Variants in MOXD1 observed in about 807,000 individuals in gnomAD.
MOXD1 encodes DBH-like monooxygenase protein 1.
Under a neutral mutation model 66.6 loss-of-function variants are expected in MOXD1, and 62 were observed. The ratio of observed to expected loss-of-function variants is 0.93; its 90% CI spans 0.76 to 1.15. The LOEUF (loss-of-function observed/expected upper bound fraction) is 1.15, where lower values mean the gene tolerates loss of function less well. MOXD1 is among the 50% of genes most tolerant of loss of function. The pLI, the probability that MOXD1 is intolerant of heterozygous loss-of-function variation, is 0.00. For synonymous variants in MOXD1, 303 were observed against 281.9 expected (o/e 1.07, Z -0.75); for missense variants, 847 against 754.6 (o/e 1.12, Z -1.44).
intron 4 of MOXD1, among the ~76,000 whole-genome samples, chr6:132,364,443 G>A (rs1457989665): frequency 6.6e-6 from 1 of 152,112 alleles, no homozygotes; most frequent in African/African-American, 2.4e-5. Context: ...GTTTTCACTT[G>A]TTTTCATTTC....
At chr6:132,383,280 T>C (rs953097844) in intron 1 of MOXD1, among the ~76,000 whole-genome samples, 1 of 152,192 alleles carries the variant, frequency 6.6e-6, no homozygotes, top group African/African-American at 2.4e-5. Context: ...ACAAACAAAT[T>C]ATATAAACAC....
chr6:132,384,256 T>C (rs931588861), intron 1 of MOXD1, among the ~76,000 whole-genome samples: 1 of 85,224 alleles, frequency 1.2e-5, no homozygotes, highest in East Asian at 7.7e-4. Flanking sequence ...CTTCCTTCCT[T>C]CCTTCCTTCC....
intron 7 of MOXD1, 131 bp downstream of exon 7, chr6:132,323,800 T>C: frequency 1.0e-6 from 1 of 979,398 alleles, no homozygotes; most frequent in Non-Finnish European, 1.4e-6. Flanking sequence ...CTACTAAAAT[T>C]GCGATAAGGG....
At chr6:132,372,124 A>G (rs972624127) in intron 4 of MOXD1, among the ~76,000 whole-genome samples, 1 of 152,150 alleles carries the variant, frequency 6.6e-6, no homozygotes, top group East Asian at 1.9e-4. Flanking sequence ...CCAATTCTGT[A>G]TTTCTTTATT....
chr6:132,386,460 G>A (rs202085815), intron 1 of MOXD1, among the ~76,000 whole-genome samples: 4 of 147,276 alleles, frequency 2.7e-5, no homozygotes, highest in African/African-American at 7.5e-5. Context: ...AAAAAAACGG[G>A]AAAAGAGATG....
At chr6:132,320,016 T>C (rs551317133) in intron 9 of MOXD1, among the ~76,000 whole-genome samples, 24 of 152,320 alleles carry the variant, frequency 1.6e-4, no homozygotes, top group African/African-American at 5.8e-4. Context: ...ATTTGGTTTG[T>C]CAAACTCTTG....
intron 4 of MOXD1, among the ~76,000 whole-genome samples, chr6:132,350,174 G>C (rs1775775612): frequency 6.6e-6 from 1 of 152,082 alleles, no homozygotes; most frequent in South Asian, 2.1e-4. Context: ...TTTGCTTTTG[G>C]GTTCTTGGTC....
chr6:132,387,752 A>G lies in MOXD1; in HGVS notation c.265-12975T>C, dbSNP rs9375883. On this transcript the variant is annotated intron_variant, in intron 1 of 11. Coordinates refer to ENST00000367963, the MANE Select transcript of MOXD1 (RefSeq NM_015529.4). Reference sequence around the variant, plus strand: ...CTGGCAAAAAAGTGAAACTCCATCTAAAAAAAAAAAAAAAAAAAAAAAAGA... The same window carrying G: ...CTGGCAAAAAAGTGAAACTCCATCTGAAAAAAAAAAAAAAAAAAAAAAAGA... Among the ~76,000 whole-genome samples the G allele has an allele frequency of 1.1e-3, 92 of 84,476 alleles. No individual in the cohort carries two copies. In the East Asian group the frequency reaches 0.019, roughly 17 times the overall value. 55.4% of individuals were successfully genotyped at this position (84,476 alleles called of 152,430 possible). A position where few individuals can be genotyped will look rare whatever the true frequency, so the allele number is the denominator to read the frequency against.
At chr6:132,320,548 G>A (rs1775056064) in intron 9 of MOXD1, 81 bp downstream of exon 9, 2 of 1,217,064 alleles carry the variant, frequency 1.6e-6, no homozygotes, top group South Asian at 1.5e-5. Context: ...AATGGAAATG[G>A]TTTTTACCTT....
intron 6 of MOXD1, among the ~76,000 whole-genome samples, chr6:132,327,166 C>T (rs1775208420): frequency 6.6e-6 from 1 of 152,180 alleles, no homozygotes; most frequent in Non-Finnish European, 1.5e-5. Context: ...CCCATCCCCA[C>T]CAATACACAC....
rs537192406 is a variant in MOXD1, at chr6:132,350,752, A to G, written c.663+21856T>C. On this transcript the variant is annotated intron_variant, in intron 4 of 11. Coordinates refer to ENST00000367963, the MANE Select transcript of MOXD1 (RefSeq NM_015529.4). ...TTCACAATATTGATTCTACCCATCC[A>G]TAAGCATGGGATGTGTTTCCATTTG... Among the ~76,000 whole-genome samples, 14 of 152,362 alleles carry G rather than the reference A, an allele frequency of 9.2e-5. No individual in the cohort carries two copies. The South Asian group carries it at 2.7e-3, about 29-fold the overall frequency.
intron 10 of MOXD1, among the ~76,000 whole-genome samples, chr6:132,298,771 A>G (rs1774465939): frequency 6.6e-6 from 1 of 151,728 alleles, no homozygotes; most frequent in Non-Finnish European, 1.5e-5. Context: ...AAAAACAACA[A>G]CTGATATTGG....
At chr6:132,334,787 C>A (rs906068548) in intron 4 of MOXD1, among the ~76,000 whole-genome samples, 1 of 152,134 alleles carries the variant, frequency 6.6e-6, no homozygotes, top group Non-Finnish European at 1.5e-5. Context: ...GCAAAGGACA[C>A]AATATGATTG....
In MOXD1 at chr6:132,366,992, A is replaced by G. The variant is rs936685934; in HGVS notation, c.663+5616T>C. On this transcript the variant is annotated intron_variant, in intron 4 of 11. Coordinates refer to ENST00000367963, the MANE Select transcript of MOXD1 (RefSeq NM_015529.4). The stretch of plus-strand genomic sequence containing the variant: ...ATTGAGATTTATGAGTGCTACCAAT[A>G]GAAGAGAACAGAAGCATGGATATTT... Among the ~76,000 whole-genome samples, 3 of 152,158 alleles carry G rather than the reference A, an allele frequency of 2.0e-5. 1 individual carries two copies. The highest frequency in any genetic ancestry group is 2.0e-4 in the Admixed American group (3 of 15,260).
chr6:132,315,602 G>T, intron 10 of MOXD1, 33 bp downstream of exon 10: 1 of 1,586,530 alleles, frequency 6.3e-7, no homozygotes, highest in Non-Finnish European at 8.6e-7. Flanking sequence ...TCTGAAATAC[G>T]TTACCCCATC....
At chr6:132,353,036 G>A (rs1049980611) in intron 4 of MOXD1, among the ~76,000 whole-genome samples, 2 of 152,020 alleles carry the variant, frequency 1.3e-5, no homozygotes, top group East Asian at 1.9e-4. Flanking sequence ...GAGTCCTTAC[G>A]TGTTAGGTGA....
chr6:132,378,875 C>CT (rs3038136), intron 1 of MOXD1, among the ~76,000 whole-genome samples: 1,035 of 41,926 alleles, frequency 0.025, 437 homozygotes, highest in Non-Finnish European at 0.054. Flanking sequence ...AACACTTCCT[C>CT]TTTTTTTTTT....
intron 6 of MOXD1, among the ~76,000 whole-genome samples, chr6:132,324,370 T>C (rs912154053): frequency 1.5e-4 from 23 of 152,204 alleles, no homozygotes; most frequent in African/African-American, 5.1e-4. Context: ...GTTTCCGTTA[T>C]CTGGCTGTTA....
chr6:132,306,453 C>T (rs959040927), intron 10 of MOXD1, among the ~76,000 whole-genome samples: 8 of 152,002 alleles, frequency 5.3e-5, no homozygotes, highest in South Asian at 2.1e-4. Flanking sequence ...GGATATTATC[C>T]GGGAGAACTT....
Sources: gnomAD v4.1 joint callset for allele counts (sites outside exome capture counted in the v4.1 genomes callset) on GRCh38, gnomAD v4.1.1 for gene constraint, MANE v1.5 for transcripts, NCBI Gene and HGNC (gene_info 2026-07-23, HGNC 2026-07-21) for gene names.